The following TTLL7 variants were observed in gnomAD, a reference collection of about 807,000 sequenced individuals.
TTLL7 encodes tubulin polyglutamylase TTLL7.
Under a neutral mutation model 120.2 loss-of-function variants are expected in TTLL7, and 53 were observed. The ratio of observed to expected loss-of-function variants is 0.44; its 90% CI spans 0.35 to 0.55. TTLL7 has a LOEUF of 0.55. TTLL7 is among the 20% of genes least tolerant of loss of function. The probability of loss-of-function intolerance (pLI) is 0.00; values close to 1 mark genes in which losing one functional copy is unlikely to be tolerated. For missense variants in TTLL7, 803 were observed against 1,054.7 expected (o/e 0.76, Z 3.31); for synonymous variants, 353 against 351.7 (o/e 1.00, Z -0.04).
intron 4 of TTLL7, 22 bp downstream of exon 4, chr1:83,949,843 C>T: frequency 6.2e-7 from 1 of 1,612,526 alleles, no homozygotes; most frequent in Non-Finnish European, 8.5e-7. Flanking sequence ...ATACCACTAA[C>T]TGGTCATGAT....
At position 83,869,941 on chromosome 1, in the gene TTLL7, A is replaced by G. The variant is rs1253455166; in HGVS notation, c.*21T>C. On this transcript the variant is annotated 3_prime_UTR_variant, in exon 21 of 21. Coordinates refer to ENST00000260505, the MANE Select transcript of TTLL7 (RefSeq NM_024686.6). ...AATGAATTGCTGTTATGTATAACCA[A>G]TGGCGATCTTCCCTTCTGTTTCACA... The G allele has an allele frequency of 6.3e-7, 1 of 1,595,230 alleles. No homozygotes were observed. The highest frequency in any genetic ancestry group is 8.5e-7 in the Non-Finnish European group (1 of 1,174,676).
At chr1:83,908,457 TA>T (rs1213695826) in intron 15 of TTLL7, among the ~76,000 whole-genome samples, 5 of 152,098 alleles carry the variant, frequency 3.3e-5, no homozygotes, top group Non-Finnish European at 7.4e-5. Context: ...AATAATTTTT[TA>T]AGTAGGTTAA....
At chr1:83,956,581 C>T (rs1367324718) in intron 1 of TTLL7, among the ~76,000 whole-genome samples, 2 of 152,130 alleles carry the variant, frequency 1.3e-5, no homozygotes, top group Non-Finnish European at 2.9e-5. Flanking sequence ...GCATGCGCCA[C>T]CACACCTGGC....
intron 18 of TTLL7, among the ~76,000 whole-genome samples, chr1:83,898,173 A>G (rs1656410715): frequency 6.6e-6 from 1 of 152,044 alleles, no homozygotes; most frequent in Non-Finnish European, 1.5e-5. Context: ...CAAATAAATG[A>G]TCAATATGTT....
chr1:83,996,384 C>T (rs1571429070), intron 1 of TTLL7, among the ~76,000 whole-genome samples: 1 of 152,318 alleles, frequency 6.6e-6, no homozygotes, highest in East Asian at 1.9e-4. Flanking sequence ...GTCTGACATT[C>T]AAGTTTCTTC....
intron 14 of TTLL7, among the ~76,000 whole-genome samples, chr1:83,914,973 A>C (rs1658013975): frequency 6.6e-6 from 1 of 152,194 alleles, no homozygotes; most frequent in Admixed American, 6.5e-5. Flanking sequence ...TACTGAGGCA[A>C]ACATGCAAAT....
At chr1:83,887,776 C>G (rs1285335961) in intron 19 of TTLL7, among the ~76,000 whole-genome samples, 1 of 152,114 alleles carries the variant, frequency 6.6e-6, no homozygotes, top group Non-Finnish European at 1.5e-5. Flanking sequence ...CAGGCTCATA[C>G]AGTTACTATG....
At chr1:83,989,685 T>G (rs1652800225) in intron 1 of TTLL7, among the ~76,000 whole-genome samples, 1 of 152,164 alleles carries the variant, frequency 6.6e-6, no homozygotes, top group East Asian at 1.9e-4. Flanking sequence ...GTTTTTGTTT[T>G]GTTTTGTTTT....
intron 2 of TTLL7, 63 bp downstream of exon 2, chr1:83,952,124 T>C: frequency 3.9e-6 from 6 of 1,549,812 alleles, no homozygotes; most frequent in Non-Finnish European, 5.3e-6. Flanking sequence ...ACTTTAAAAA[T>C]ATTAACAGTA....
At position 83,921,225 on chromosome 1, in the gene TTLL7, TACTTTCTTAAA is replaced by T. The variant is rs751038634; in HGVS notation, c.1290+11_1290+21del. ...TGAATTATGCAATTTAAATTGTGGGTACTTTCTTAAAACTTTCATACCAACTCTTCTTTCCG... is the reference window on the plus strand; with the variant it reads ...TGAATTATGCAATTTAAATTGTGGGTACTTTCATACCAACTCTTCTTTCCG... On this transcript the variant is annotated intron_variant, in intron 11 of 20. Transcript: ENST00000260505. The T allele has an allele frequency of 4.3e-6, 7 of 1,610,852 alleles. No homozygotes were observed. Among genetic ancestry groups the T allele is most frequent in the Non-Finnish European group, 5.9e-6 (7 of 1,179,046 alleles).
rs1248063313 is a variant in TTLL7, at chr1:83,867,450, G to C, written c.*2512C>G. The C allele has an allele frequency of 6.6e-6, 1 of 151,928 alleles. No individual in the cohort carries two copies. Among genetic ancestry groups the C allele is most frequent in the African/African-American group, 2.4e-5 (1 of 41,404 alleles). The allele number at this position is 151,928 out of a possible 1,614,324, so 9.4% of individuals were successfully genotyped here. ...ACGCTCAAAATAAGGCCAGACATAA[G>C]TAGCTAGAGAAATGAAATTTATTTG... On this transcript the variant is annotated 3_prime_UTR_variant, in exon 21 of 21. Transcript: ENST00000260505.
intron 5 of TTLL7, among the ~76,000 whole-genome samples, chr1:83,948,384 A>G (rs1648717752): frequency 1.3e-5 from 2 of 152,192 alleles, no homozygotes; most frequent in South Asian, 4.1e-4. Flanking sequence ...ATTCTGATCC[A>G]CCTCTGCTAT....
intron 4 of TTLL7, chr1:83,949,633 G>GT (rs1159138363): frequency 2.9e-5 from 13 of 450,712 alleles, no homozygotes; most frequent in Middle Eastern, 6.1e-4. Flanking sequence ...ACCAGAAGAG[G>GT]TTTTTTCTAT....
At chr1:83,919,259 A>T (rs1390519921) in intron 13 of TTLL7, among the ~76,000 whole-genome samples, 1 of 146,948 alleles carries the variant, frequency 6.8e-6, no homozygotes, top group Non-Finnish European at 1.5e-5. Context: ...TACAGATTAG[A>T]GTGTGTGTGT....
intron 1 of TTLL7, among the ~76,000 whole-genome samples, chr1:83,990,832 A>G (rs1652929067): frequency 1.3e-5 from 2 of 152,190 alleles, no homozygotes; most frequent in South Asian, 4.1e-4. Flanking sequence ...TACTCCAGCA[A>G]TTTCACTTCA....
chr1:83,984,022 T>G (rs992148698), intron 1 of TTLL7: 6 of 151,528 alleles, frequency 4.0e-5, no homozygotes, highest in African/African-American at 1.5e-4. Context: ...GCCCAGGAGG[T>G]CAAGGCTACA....
chr1:83,986,872 T>C (rs1470640901), intron 1 of TTLL7, among the ~76,000 whole-genome samples: 1 of 152,020 alleles, frequency 6.6e-6, no homozygotes, highest in Non-Finnish European at 1.5e-5. Context: ...AAGGCAAGGA[T>C]GTCCACTCTC....
intron 1 of TTLL7, among the ~76,000 whole-genome samples, chr1:83,989,349 G>A (rs560480309): frequency 1.3e-5 from 2 of 152,234 alleles, no homozygotes; most frequent in African/African-American, 4.8e-5. Context: ...TTTTCTACAC[G>A]GTGAGGGGTA....
At position 83,953,095 on chromosome 1, in the gene TTLL7, G is replaced by A. The variant is rs1415820188; in HGVS notation, c.-176-708C>T. ...TTTTGAAGGACAGAAAATGGGTGGG[G>A]TCATTATTATGATGATTTTATTCAG... On this transcript the variant is annotated intron_variant, in intron 1 of 20. Coordinates refer to ENST00000260505, the MANE Select transcript of TTLL7 (RefSeq NM_024686.6). Among the ~76,000 whole-genome samples, 4 of 152,116 alleles carry A rather than the reference G, an allele frequency of 2.6e-5. No homozygotes were observed. The East Asian group carries it at 5.8e-4, about 22-fold the overall frequency.
Sources: allele counts gnomAD v4.1 joint callset (sites outside exome capture counted in the v4.1 genomes callset), GRCh38; gene constraint gnomAD v4.1.1; transcripts MANE v1.5; gene names NCBI Gene and HGNC (gene_info 2026-07-23, HGNC 2026-07-21).